Variants in TLE6 observed in about 807,000 individuals in gnomAD.
The protein encoded by TLE6 is TLE family member 6, subcortical maternal complex member.
Under a neutral mutation model 77.1 loss-of-function variants are expected in TLE6, and 72 were observed. The observed-to-expected ratio is 0.93, with a 90% CI of 0.77 to 1.14. The LOEUF is 1.14. Among genes scored for constraint, TLE6 ranks in the 50% most tolerant of loss-of-function variants. The pLI is 0.00. For missense variants in TLE6, 843 were observed against 747.6 expected, an observed-to-expected ratio of 1.13 and a Z score of -1.49; for synonymous variants, 366 against 287.3, an observed-to-expected ratio of 1.27 and a Z score of -2.77.
chr19:2,988,522 C>G (rs372332555), intron 11 of TLE6, among the ~76,000 whole-genome samples: 1 of 151,986 alleles, frequency 6.6e-6, no homozygotes, highest in African/African-American at 2.4e-5. Context: ...GGCGTGAACC[C>G]GGGAGGTGGA....
intron 16 of TLE6, 62 bp from the exon 17 acceptor site, chr19:2,994,838 C>A: frequency 4.3e-6 from 4 of 920,382 alleles, no homozygotes; most frequent in Non-Finnish European, 6.8e-6. Context: ...CTTGAGCTGA[C>A]AGGTGGAGAC....
At chr19:2,992,912 G>A (rs1332689007) in intron 14 of TLE6, among the ~76,000 whole-genome samples, 3 of 150,716 alleles carry the variant, frequency 2.0e-5, no homozygotes, top group Non-Finnish European at 4.4e-5. Flanking sequence ...TTGCAGGCCG[G>A]GCGCAGTGTC....
At chr19:2,990,460 C>A (rs1484598887) in intron 13 of TLE6, among the ~76,000 whole-genome samples, 1 of 150,508 alleles carries the variant, frequency 6.6e-6, no homozygotes, top group African/African-American at 2.4e-5. Flanking sequence ...AAAAATTAGC[C>A]AGGCGCGGTG....
intron 3 of TLE6, 27 bp downstream of exon 3, chr19:2,980,209 T>C (rs1434156430): frequency 2.6e-6 from 4 of 1,536,744 alleles, no homozygotes; most frequent in South Asian, 1.2e-5. Context: ...GGGCCGGAGG[T>C]CTCACGCTGG....
At chr19:2,989,846 C>G in intron 13 of TLE6, 61 bp downstream of exon 13, 1 of 1,590,640 alleles carries the variant, frequency 6.3e-7, no homozygotes, top group Non-Finnish European at 8.6e-7. Flanking sequence ...CCACCTCTGC[C>G]CACCTTACTG....
At chr19:2,993,840 C>T (rs931888024) in intron 15 of TLE6, among the ~76,000 whole-genome samples, 179 bp from the exon 16 acceptor site, 2 of 148,324 alleles carry the variant, frequency 1.3e-5, no homozygotes, top group East Asian at 2.0e-4. Flanking sequence ...CCCATGAGCC[C>T]GGGGAGGCTG....
At chr19:2,987,439 G>T in intron 8 of TLE6, 67 bp downstream of exon 8, 1 of 1,599,932 alleles carries the variant, frequency 6.3e-7, no homozygotes, top group Admixed American at 1.7e-5. Context: ...GCTCCCCCAG[G>T]TCAGGGCACT....
At chr19:2,987,592 T>C in intron 8 of TLE6, 132 bp from the exon 9 acceptor site, 1 of 1,177,420 alleles carries the variant, frequency 8.5e-7, no homozygotes, top group South Asian at 1.3e-5. Flanking sequence ...ACTCTCTCTC[T>C]GCAACTCTGC....
chr19:2,993,311 C>T, intron 14 of TLE6, 121 bp from the exon 15 acceptor site: 1 of 1,041,168 alleles, frequency 9.6e-7, no homozygotes, highest in South Asian at 1.8e-5. Context: ...TGTCCCAGGG[C>T]TGCACAGCTA....
intron 16 of TLE6, 64 bp downstream of exon 16, chr19:2,994,159 A>T: frequency 7.2e-7 from 1 of 1,389,516 alleles, no homozygotes; most frequent in East Asian, 2.4e-5. Context: ...TGGGCAACAC[A>T]GCAAGACCCT....
chr19:2,993,428 C>T lies in TLE6; in HGVS notation c.1387-4C>T. 1 of 1,600,154 alleles carries T rather than the reference C, an allele frequency of 6.2e-7. No homozygotes were observed. The highest frequency in any genetic ancestry group is 1.1e-5 in the South Asian group (1 of 90,580). On this transcript the variant is annotated splice_polypyrimidine_tract_variant and splice_region_variant and intron_variant, in intron 14 of 16. Transcript: ENST00000246112. ...TTCCTCCCTCCCCACTGCCCATTAC[C>T]TAGATAATGAGCCTGTCCCACAGCC... is the stretch of plus-strand genomic sequence containing the variant.
At chr19:2,982,253 G>C (rs548856906) in intron 5 of TLE6, 64 bp downstream of exon 5, 476 of 1,531,050 alleles carry the variant, frequency 3.1e-4, no homozygotes, top group Non-Finnish European at 3.9e-4. Flanking sequence ...AAGCACAGAG[G>C]GGGGCCGGGC....
At position 2,995,018 on chromosome 19, in the gene TLE6, T is replaced by C. The variant is rs528803059; in HGVS notation, c.*14T>C. The C allele has an allele frequency of 2.6e-6, 4 of 1,546,970 alleles. No individual in the cohort carries two copies. The highest frequency in any genetic ancestry group is 1.8e-5 in the Admixed American group (1 of 55,810). ...ATCACCTACTGAGGGGCCTCGCTGC[T>C]GTCATCCCACTCCGGCTCCTCTTTT... On this transcript the variant is annotated 3_prime_UTR_variant, in exon 17 of 17. Transcript: ENST00000246112.
At chr19:2,978,442 G>A (rs1402745597) in intron 2 of TLE6, among the ~76,000 whole-genome samples, 158 bp downstream of exon 2, 3 of 152,092 alleles carry the variant, frequency 2.0e-5, no homozygotes, top group Non-Finnish European at 4.4e-5. Context: ...CCAAGGAGCC[G>A]TGTTTTTTAA....
intron 10 of TLE6, 40 bp from the exon 11 acceptor site, chr19:2,988,051 C>T (rs201270628): frequency 1.6e-5 from 25 of 1,558,330 alleles, no homozygotes; most frequent in Middle Eastern, 3.3e-4. Context: ...CACAGATGTG[C>T]GGGGAGGCTG....
chr19:2,985,254 G>GA (rs200534622), intron 5 of TLE6, among the ~76,000 whole-genome samples: 232 of 150,514 alleles, frequency 1.5e-3, no homozygotes, highest in African/African-American at 5.2e-3. Flanking sequence ...TCTCAAAAGA[G>GA]AAAAAAAAAT....
At chr19:2,979,814 G>A (rs2088758215) in intron 2 of TLE6, among the ~76,000 whole-genome samples, 1 of 150,258 alleles carries the variant, frequency 6.7e-6, no homozygotes, top group Non-Finnish European at 1.5e-5. Flanking sequence ...TGCCGGGGGC[G>A]GGCGGGGGAG....
At position 2,981,697 on chromosome 19, in the gene TLE6, A is replaced by G; in HGVS notation, c.180+114A>G. 3.6e-6 allele frequency: 4 copies of G among 1,122,840 alleles called. No individual in the cohort carries two copies. The South Asian group carries it at 5.4e-5, about 15-fold the overall frequency. The allele number at this position is 1,122,840 out of a possible 1,614,324, so 69.6% of individuals were successfully genotyped here. Reference sequence around the variant, plus strand: ...CTAGAGAGGTTCTTTTCCGCCAAGCACTGTGCCTCACGCCTGTAATCCCAG... The same window carrying G: ...CTAGAGAGGTTCTTTTCCGCCAAGCGCTGTGCCTCACGCCTGTAATCCCAG... On this transcript the variant is annotated intron_variant, in intron 4 of 16. Transcript: ENST00000246112.
chr19:2,986,936 G>T, intron 6 of TLE6, 45 bp downstream of exon 6: 2 of 1,555,182 alleles, frequency 1.3e-6, no homozygotes, highest in Non-Finnish European at 1.7e-6. Flanking sequence ...AGGCTTGGGT[G>T]AAGGCTCATC....
Sources: gnomAD v4.1 joint callset for allele counts (sites outside exome capture counted in the v4.1 genomes callset) on GRCh38, gnomAD v4.1.1 for gene constraint, MANE v1.5 for transcripts, NCBI Gene and HGNC (gene_info 2026-07-23, HGNC 2026-07-21) for gene names.